The following STPG2 variants were observed in gnomAD, a reference collection of about 807,000 sequenced individuals.
STPG2 encodes sperm-tail PG-rich repeat-containing protein 2.
A neutral mutation model predicts 54.2 loss-of-function variants in STPG2; 56 were observed. The ratio of observed to expected loss-of-function variants is 1.03; its 90% CI spans 0.83 to 1.29. The LOEUF is 1.29. STPG2 is among the 50% of genes most tolerant of loss of function. The pLI is 0.00. For missense variants in STPG2, 596 were observed against 544.9 expected, an observed-to-expected ratio of 1.09 and a Z score of -0.93; for synonymous variants, 200 against 181.8, an observed-to-expected ratio of 1.10 and a Z score of -0.81.
chr4:97,450,134 CAT>C (rs1384519231), intron 4 of STPG2, among the ~76,000 whole-genome samples: 1 of 152,036 alleles, frequency 6.6e-6, no homozygotes, highest in Non-Finnish European at 1.5e-5. Flanking sequence ...GAGAATTATA[CAT>C]ATAAGTCCGA....
intron 5 of STPG2, among the ~76,000 whole-genome samples, chr4:97,996,647 G>GTTTCCA (rs1735251571): frequency 4.3e-5 from 3 of 70,538 alleles, no homozygotes; most frequent in Non-Finnish European, 6.4e-5. Flanking sequence ...ACAACCTATA[G>GTTTCCA]AATGAGAGAA....
intron 6 of STPG2, among the ~76,000 whole-genome samples, chr4:97,976,668 A>G (rs1256477775): frequency 6.6e-6 from 1 of 152,136 alleles, no homozygotes. Context: ...TACAAGTCCA[A>G]TTCTTTACTC....
intron 5 of STPG2, among the ~76,000 whole-genome samples, chr4:98,046,937 C>T (rs145748041): frequency 6.3e-4 from 96 of 152,286 alleles, no homozygotes; most frequent in African/African-American, 2.2e-3. Context: ...CAGAGAAATA[C>T]AAATAGCCTG....
intron 5 of STPG2, among the ~76,000 whole-genome samples, chr4:98,008,517 GGTTTT>G (rs1735642710): frequency 1.4e-4 from 1 of 7,318 alleles, no homozygotes; most frequent in Non-Finnish European, 4.5e-4. Flanking sequence ...AAAACTCACA[GGTTTT>G]ATAAATAGTT....
intron 10 of STPG2, among the ~76,000 whole-genome samples, chr4:97,669,466 C>G (rs1355464330): frequency 6.6e-6 from 1 of 152,140 alleles, no homozygotes; most frequent in African/African-American, 2.4e-5. Context: ...CACTGATGTT[C>G]TGTTCTATTT....
At chr4:97,928,698 C>T (rs958068094) in intron 8 of STPG2, among the ~76,000 whole-genome samples, 1 of 151,838 alleles carries the variant, frequency 6.6e-6, no homozygotes, top group Admixed American at 6.6e-5. Context: ...TAATATAAGG[C>T]CTAATACTGA....
chr4:98,125,177 A>G (rs563555930), intron 3 of STPG2, among the ~76,000 whole-genome samples: 2 of 152,222 alleles, frequency 1.3e-5, no homozygotes, highest in East Asian at 3.9e-4. Flanking sequence ...ACTTCTATCA[A>G]TTCATCCATC....
intron 9 of STPG2, among the ~76,000 whole-genome samples, chr4:97,801,501 G>A (rs1272894497): frequency 2.0e-5 from 3 of 152,088 alleles, no homozygotes; most frequent in Non-Finnish European, 4.4e-5. Context: ...CTTGCACAAC[G>A]ATTTCTTTTG....
intron 4 of STPG2, among the ~76,000 whole-genome samples, chr4:97,547,137 G>T (rs1731851173): frequency 1.3e-5 from 2 of 152,082 alleles, no homozygotes; most frequent in South Asian, 2.1e-4. Context: ...GGGTAAAAGG[G>T]CTAGAGAGAT....
At chr4:97,932,981 C>A (rs1242486708) in intron 8 of STPG2, among the ~76,000 whole-genome samples, 2 of 152,208 alleles carry the variant, frequency 1.3e-5, no homozygotes, top group African/African-American at 2.4e-5. Flanking sequence ...TATATTCCCA[C>A]CAACAGCATA....
At chr4:98,027,333 G>A (rs1219513134) in intron 5 of STPG2, among the ~76,000 whole-genome samples, 3 of 152,114 alleles carry the variant, frequency 2.0e-5, no homozygotes, top group African/African-American at 7.2e-5. Flanking sequence ...AGCCCACAAA[G>A]ATTCATTCAT....
chr4:97,654,852 C>G (rs1211942443), intron 10 of STPG2, among the ~76,000 whole-genome samples: 5 of 151,816 alleles, frequency 3.3e-5, no homozygotes, highest in African/African-American at 1.2e-4. Context: ...ATATAATATA[C>G]ATAAATACTG....
chr4:97,896,408 A>G (rs181401376), intron 8 of STPG2, among the ~76,000 whole-genome samples: 1 of 151,972 alleles, frequency 6.6e-6, no homozygotes, highest in East Asian at 1.9e-4. Flanking sequence ...AAATAAGAGA[A>G]AAACCCCAAG....
chr4:97,842,601 A>C (rs532269890), intron 8 of STPG2, among the ~76,000 whole-genome samples: 1 of 151,970 alleles, frequency 6.6e-6, no homozygotes, highest in South Asian at 2.1e-4. Context: ...CAGTGCCTAG[A>C]CTGGATATAA....
intron 8 of STPG2, among the ~76,000 whole-genome samples, chr4:97,879,319 C>A (rs954118880): frequency 1.3e-5 from 2 of 152,134 alleles, no homozygotes; most frequent in African/African-American, 4.8e-5. Flanking sequence ...CTACTGGTAA[C>A]AATTTACTGT....
intron 9 of STPG2, among the ~76,000 whole-genome samples, chr4:97,834,368 C>T (rs904489626): frequency 5.9e-5 from 9 of 151,654 alleles, no homozygotes; most frequent in South Asian, 4.2e-4. Flanking sequence ...TGGGGTGGGG[C>T]GCTAGGGGAG....
chr4:98,072,107 G>C (rs180740034), intron 5 of STPG2, among the ~76,000 whole-genome samples: 2 of 152,064 alleles, frequency 1.3e-5, no homozygotes, highest in African/African-American at 4.8e-5. Flanking sequence ...ACACATGCAC[G>C]TGTATGTTCA....
At chr4:97,486,064 A>C (rs945888786) in intron 4 of STPG2, among the ~76,000 whole-genome samples, 1 of 151,990 alleles carries the variant, frequency 6.6e-6, no homozygotes, top group Non-Finnish European at 1.5e-5. Context: ...AAGGACTTAA[A>C]TTTAAGACCT....
intron 9 of STPG2, among the ~76,000 whole-genome samples, chr4:97,837,275 A>G (rs1195715707): frequency 6.6e-6 from 1 of 151,702 alleles, no homozygotes; most frequent in Non-Finnish European, 1.5e-5. Context: ...TGCTTGAAAC[A>G]TTTTGCCAAC....
Sources: allele counts gnomAD v4.1 joint callset (sites outside exome capture counted in the v4.1 genomes callset), GRCh38; gene constraint gnomAD v4.1.1; transcripts MANE v1.5; gene names NCBI Gene and HGNC (gene_info 2026-07-23, HGNC 2026-07-21).